TBXAS1: variants seen among roughly 807,000 people sequenced by gnomAD.
The protein encoded by TBXAS1 is thromboxane A synthase 1.
In TBXAS1, 48 loss-of-function variants were observed where a neutral mutation model predicts 60.7. That is an observed-to-expected ratio of 0.79 (90% CI 0.63 to 1.01). TBXAS1 has a LOEUF of 1.01. Ranked by LOEUF, TBXAS1 falls within the 50% of genes least tolerant of loss-of-function variation. TBXAS1 has a pLI of 0.00. For missense variants in TBXAS1, 685 were observed against 686.3 expected (o/e 1.00, Z 0.02); for synonymous variants, 287 against 269.7 (o/e 1.06, Z -0.63).
Position 140,017,948 on chromosome 7 carries a change from T to C in TBXAS1, c.1527+115T>C, listed in dbSNP as rs142254604. ...AACATCAGGCTCTGCCTCCGTGAGC[T>C]TGGGCAAGCTCCTTAACCTCTCTCG... On this transcript the variant is annotated intron_variant, in intron 12 of 12. Transcript: ENST00000448866. The C allele has an allele frequency of 1.1e-4, 161 of 1,435,642 alleles. No individual in the cohort carries two copies. The African/African-American group carries it at 1.9e-3, about 17-fold the overall frequency. The allele number at this position is 1,435,642 out of a possible 1,614,324, so 88.9% of individuals were successfully genotyped here. A position where few individuals can be genotyped will look rare whatever the true frequency, so the allele number is the denominator to read the frequency against.
intron 5 of TBXAS1, among the ~76,000 whole-genome samples, chr7:139,951,089 G>A (rs560867037): frequency 6.6e-6 from 1 of 152,284 alleles, no homozygotes; most frequent in East Asian, 1.9e-4. Flanking sequence ...GAATATTCCA[G>A]AGAAGATAAG....
At chr7:139,950,596 C>A (rs576984266) in intron 5 of TBXAS1, among the ~76,000 whole-genome samples, 1 of 152,222 alleles carries the variant, frequency 6.6e-6, no homozygotes, top group East Asian at 1.9e-4. Context: ...ATTGTCCCTG[C>A]CTTGGTTACC....
intron 5 of TBXAS1, among the ~76,000 whole-genome samples, chr7:139,941,884 A>G (rs943966785): frequency 2.6e-5 from 4 of 152,266 alleles, no homozygotes; most frequent in African/African-American, 9.6e-5. Context: ...AAATGTATAA[A>G]TAATGTGATC....
At chr7:139,784,765 A>C (rs1302314440) in intron 3 of TBXAS1, among the ~76,000 whole-genome samples, 2 of 152,252 alleles carry the variant, frequency 1.3e-5, no homozygotes, top group African/African-American at 2.4e-5. Context: ...TTGAGTCTAA[A>C]GTACCTATGA....
chr7:139,937,143 T>C (rs1267278464), intron 5 of TBXAS1, among the ~76,000 whole-genome samples: 1 of 152,186 alleles, frequency 6.6e-6, no homozygotes. Context: ...CTGTTCTGAA[T>C]TGTGCAACCA....
At chr7:139,816,459 T>A (rs1798150839) in intron 4 of TBXAS1, among the ~76,000 whole-genome samples, 1 of 152,188 alleles carries the variant, frequency 6.6e-6, no homozygotes, top group Non-Finnish European at 1.5e-5. Flanking sequence ...TCTTTGAATC[T>A]AATGTGTAGA....
intron 1 of TBXAS1, among the ~76,000 whole-genome samples, chr7:139,838,145 T>C (rs1474314760): frequency 1.3e-5 from 2 of 152,088 alleles, no homozygotes; most frequent in Non-Finnish European, 2.9e-5. Flanking sequence ...GCAGTTTCTT[T>C]TATCCTGGGC....
intron 1 of TBXAS1, among the ~76,000 whole-genome samples, chr7:139,835,522 A>G (rs998453101): frequency 6.6e-6 from 1 of 152,254 alleles, no homozygotes; most frequent in Non-Finnish European, 1.5e-5. Context: ...AACAAAATTA[A>G]AAGCAAAAAT....
intron 4 of TBXAS1, chr7:139,914,001 T>A (rs994648806): frequency 2.0e-5 from 3 of 152,098 alleles, no homozygotes; most frequent in East Asian, 3.9e-4. Context: ...GGGCTCATAT[T>A]GATTATGACG....
At chr7:139,989,474 C>T (rs1812737129) in intron 9 of TBXAS1, among the ~76,000 whole-genome samples, 1 of 152,226 alleles carries the variant, frequency 6.6e-6, no homozygotes, top group Admixed American at 6.5e-5. Context: ...TGCAGAGCTC[C>T]CACATGGCTT....
At chr7:139,792,531 C>A (rs1434638637) in intron 4 of TBXAS1, among the ~76,000 whole-genome samples, 2 of 152,074 alleles carry the variant, frequency 1.3e-5, no homozygotes, top group Admixed American at 1.3e-4. Context: ...AGTTTATTGA[C>A]AATGAAAACA....
intron 9 of TBXAS1, among the ~76,000 whole-genome samples, chr7:139,990,647 G>GGCC (rs1186542027): frequency 6.6e-6 from 1 of 151,914 alleles, no homozygotes; most frequent in Non-Finnish European, 1.5e-5. Flanking sequence ...CCCCTCTCGG[G>GGCC]GCCGCTCTGG....
chr7:139,987,449 C>T (rs1812577732), intron 9 of TBXAS1, among the ~76,000 whole-genome samples: 1 of 152,184 alleles, frequency 6.6e-6, no homozygotes, highest in African/African-American at 2.4e-5. Context: ...GCCGACAGCT[C>T]TGTTCCCCTG....
In TBXAS1 at chr7:139,911,206, C is replaced by T. The variant is rs1178205712; in HGVS notation, c.237-19C>T. 1 of 1,607,778 alleles carries T rather than the reference C, an allele frequency of 6.2e-7. No homozygotes were observed. The highest frequency in any genetic ancestry group is 8.5e-7 in the Non-Finnish European group (1 of 1,174,284). On this transcript the variant is annotated intron_variant, in intron 3 of 12. Coordinates refer to ENST00000448866, the MANE Select transcript of TBXAS1 (RefSeq NM_001061.7). ...ATGGGTAATGCAACACATTTTAATG[C>T]ATTTTTTATTCCTCCCAGGTACTAT...
At chr7:139,788,272 G>A (rs1324230556) in intron 4 of TBXAS1, among the ~76,000 whole-genome samples, 1 of 152,220 alleles carries the variant, frequency 6.6e-6, no homozygotes, top group African/African-American at 2.4e-5. Context: ...TCCAGGATAA[G>A]AATCCCTGCT....
At chr7:139,899,475 A>G (rs1308777334) in intron 3 of TBXAS1, among the ~76,000 whole-genome samples, 2 of 152,256 alleles carry the variant, frequency 1.3e-5, no homozygotes, top group African/African-American at 4.8e-5. Flanking sequence ...AGTTTCAAAA[A>G]AGAGAGAAAA....
chr7:139,795,579 A>C (rs1456052227), intron 4 of TBXAS1, among the ~76,000 whole-genome samples: 1 of 139,946 alleles, frequency 7.1e-6, no homozygotes, highest in African/African-American at 2.7e-5. Context: ...TTTAGACATG[A>C]AGTCCTTGCC....
upstream of TBXAS1, among the ~76,000 whole-genome samples, chr7:139,827,681 G>GA (rs1435757528): frequency 2.0e-5 from 3 of 152,210 alleles, no homozygotes; most frequent in Non-Finnish European, 4.4e-5. Context: ...GCTTGGTAAT[G>GA]ACGAATTCTC....
chr7:139,986,709 A>T (rs1812481284), intron 9 of TBXAS1, among the ~76,000 whole-genome samples: 1 of 138,120 alleles, frequency 7.2e-6, no homozygotes, highest in Non-Finnish European at 1.5e-5. Context: ...TTTATGGCTG[A>T]GTAGTATTCC....
Sources: allele counts gnomAD v4.1 joint callset (sites outside exome capture counted in the v4.1 genomes callset), GRCh38; gene constraint gnomAD v4.1.1; transcripts MANE v1.5; gene names NCBI Gene and HGNC (gene_info 2026-07-23, HGNC 2026-07-21).